GPC5: variants seen among roughly 807,000 people sequenced by gnomAD.
GPC5 encodes glypican 5, also known as glypican-5.
A neutral mutation model predicts 53.9 loss-of-function variants in GPC5; 47 were observed. The observed-to-expected ratio is 0.87, with a 90% CI of 0.69 to 1.11. GPC5 has a LOEUF of 1.11. Ranked by LOEUF, GPC5 falls within the 50% of genes most tolerant of loss-of-function variation. The pLI is 0.00. For synonymous variants in GPC5, 286 were observed against 263.3 expected, an observed-to-expected ratio of 1.09 and a Z score of -0.84; for missense variants, 748 against 713.1, an observed-to-expected ratio of 1.05 and a Z score of -0.56.
At chr13:91,608,031 C>T (rs1023255035) in intron 2 of GPC5, among the ~76,000 whole-genome samples, 4 of 152,128 alleles carry the variant, frequency 2.6e-5, no homozygotes, top group Non-Finnish European at 5.9e-5. Flanking sequence ...CTATATGGAA[C>T]ATTTTCATAT....
intron 7 of GPC5, among the ~76,000 whole-genome samples, chr13:92,277,677 G>T (rs1308513124): frequency 6.6e-6 from 1 of 151,768 alleles, no homozygotes; most frequent in East Asian, 1.9e-4. Context: ...AAATTAAATG[G>T]TTGACAGTTT....
chr13:91,538,288 T>A (rs7989635), intron 2 of GPC5, among the ~76,000 whole-genome samples: 2,937 of 152,278 alleles, frequency 0.019, 68 homozygotes, highest in African/African-American at 0.058. Flanking sequence ...CAGGTTTTGA[T>A]CCAGGGATAG....
At chr13:92,435,754 G>A (rs1399001138) in intron 7 of GPC5, among the ~76,000 whole-genome samples, 1 of 152,178 alleles carries the variant, frequency 6.6e-6, no homozygotes, top group South Asian at 2.1e-4. Flanking sequence ...TTATATGTGT[G>A]AACGTTTGTG....
At chr13:91,433,770 T>C (rs59823440) in intron 1 of GPC5, among the ~76,000 whole-genome samples, 11,762 of 152,072 alleles carry the variant, frequency 0.077, 1,458 homozygotes, top group African/African-American at 0.27. Context: ...CCTGAGGAAT[T>C]GCCACACTGA....
At chr13:92,858,629 G>A (rs957211690) in intron 7 of GPC5, among the ~76,000 whole-genome samples, 4 of 152,034 alleles carry the variant, frequency 2.6e-5, no homozygotes, top group Admixed American at 6.6e-5. Flanking sequence ...AGATATAGAC[G>A]AAAATAGACA....
chr13:91,614,962 C>G (rs1030019705), intron 2 of GPC5, among the ~76,000 whole-genome samples: 3 of 152,154 alleles, frequency 2.0e-5, no homozygotes, highest in Non-Finnish European at 4.4e-5. Context: ...TCCATCTATT[C>G]ATGTACTCAA....
In GPC5 at chr13:92,866,562, A is replaced by C. The variant is rs1879343386; in HGVS notation, c.*123A>C. Reference sequence around the variant, plus strand: ...TATTTATGAAAAGATATGTTACACTAACTTCTCAGAAGCCAAGCTGAAATA... The same window carrying C: ...TATTTATGAAAAGATATGTTACACTCACTTCTCAGAAGCCAAGCTGAAATA... On this transcript the variant is annotated 3_prime_UTR_variant, in exon 8 of 8. Transcript: ENST00000377067. 2 of 795,546 alleles carry C rather than the reference A, an allele frequency of 2.5e-6. No individual in the cohort carries two copies. Among genetic ancestry groups the C allele is most frequent in the Non-Finnish European group, 3.7e-6 (2 of 541,872 alleles). The allele number at this position is 795,546 out of a possible 1,614,324, so 49.3% of individuals were successfully genotyped here.
chr13:92,076,323 G>T (rs949199287), intron 6 of GPC5, among the ~76,000 whole-genome samples: 1 of 151,886 alleles, frequency 6.6e-6, no homozygotes, highest in Non-Finnish European at 1.5e-5. Flanking sequence ...CACCTGCCTC[G>T]GCCTCCCAAA....
At chr13:92,401,274 A>G (rs763119968) in intron 7 of GPC5, among the ~76,000 whole-genome samples, 14 of 151,440 alleles carry the variant, frequency 9.2e-5, no homozygotes, top group Non-Finnish European at 1.6e-4. Flanking sequence ...AGAAGTCTTT[A>G]TATCTCCTGG....
rs556053697 is a variant in GPC5 at position 91,956,858 on chromosome 13, A to C, written c.1401+48801A>C. 7.2e-5 allele frequency among the ~76,000 whole-genome samples: 11 copies of C among 152,316 alleles called. No individual in the cohort carries two copies. The East Asian group carries it at 2.1e-3, about 29-fold the overall frequency. Reference sequence around the variant, plus strand: ...GTGAAAGCAAATTTTAAAAATAGGAAGAAGGGGCTTGTAAAAGAGATGTGA... The same window carrying C: ...GTGAAAGCAAATTTTAAAAATAGGACGAAGGGGCTTGTAAAAGAGATGTGA... On this transcript the variant is annotated intron_variant, in intron 6 of 7. Transcript: ENST00000377067.
At chr13:92,441,148 T>C (rs1465303411) in intron 7 of GPC5, among the ~76,000 whole-genome samples, 1 of 152,160 alleles carries the variant, frequency 6.6e-6, no homozygotes, top group African/African-American at 2.4e-5. Flanking sequence ...CTCGGCTCAC[T>C]GCAACCTCTG....
chr13:92,849,715 G>A (rs1331977799), intron 7 of GPC5, among the ~76,000 whole-genome samples: 1 of 152,130 alleles, frequency 6.6e-6, no homozygotes, highest in Non-Finnish European at 1.5e-5. Context: ...CAATAGAAAA[G>A]TCTAAATGAA....
At chr13:92,021,969 T>C (rs1466611407) in intron 6 of GPC5, among the ~76,000 whole-genome samples, 1 of 151,998 alleles carries the variant, frequency 6.6e-6, no homozygotes, top group Non-Finnish European at 1.5e-5. Context: ...TTTCAGAAAA[T>C]TTTTGCTTGT....
chr13:92,533,639 C>A (rs1474580830), intron 7 of GPC5, among the ~76,000 whole-genome samples: 2 of 152,010 alleles, frequency 1.3e-5, no homozygotes, highest in Non-Finnish European at 2.9e-5. Flanking sequence ...AGCCCCATAG[C>A]GTTAAATAGA....
chr13:92,707,657 A>G (rs1887996898), intron 7 of GPC5, among the ~76,000 whole-genome samples: 1 of 152,132 alleles, frequency 6.6e-6, no homozygotes, highest in African/African-American at 2.4e-5. Flanking sequence ...GTGTACTAAG[A>G]GCTAGACTCC....
intron 2 of GPC5, among the ~76,000 whole-genome samples, chr13:91,553,480 A>G (rs570132947): frequency 1.3e-5 from 2 of 152,224 alleles, no homozygotes; most frequent in Admixed American, 1.3e-4. Flanking sequence ...TTTAGGAATA[A>G]AAATGAGTTT....
intron 7 of GPC5, among the ~76,000 whole-genome samples, chr13:92,547,489 C>T (rs1403004640): frequency 6.6e-6 from 1 of 152,126 alleles, no homozygotes; most frequent in African/African-American, 2.4e-5. Context: ...CCTTCAGTGA[C>T]TCATTGGAAA....
chr13:91,689,550 A>C (rs2035709193), intron 2 of GPC5, among the ~76,000 whole-genome samples: 1 of 151,358 alleles, frequency 6.6e-6, no homozygotes, highest in African/African-American at 2.4e-5. Flanking sequence ...CTTAAAAGAC[A>C]AACTCATTGT....
chr13:92,001,863 C>T (rs1351190107), intron 6 of GPC5, among the ~76,000 whole-genome samples: 1 of 152,072 alleles, frequency 6.6e-6, no homozygotes, highest in Non-Finnish European at 1.5e-5. Context: ...TATTAAACTA[C>T]TTACTTTACT....
Sources: allele counts gnomAD v4.1 joint callset (sites outside exome capture counted in the v4.1 genomes callset), GRCh38; gene constraint gnomAD v4.1.1; transcripts MANE v1.5; gene names NCBI Gene and HGNC (gene_info 2026-07-23, HGNC 2026-07-21).